KCNK5: variants seen among roughly 807,000 people sequenced by gnomAD.
The protein encoded by KCNK5 is potassium channel subfamily K member 5.
In KCNK5, 18 loss-of-function variants were observed where a neutral mutation model predicts 32.9. The ratio of observed to expected loss-of-function variants is 0.55; its 90% CI spans 0.38 to 0.81. The LOEUF (loss-of-function observed/expected upper bound fraction) is 0.81. KCNK5 is among the 30% of genes least tolerant of loss of function. The pLI, the probability that KCNK5 is intolerant of heterozygous loss-of-function variation, is 0.00. For synonymous variants in KCNK5, 276 were observed against 275.3 expected, an observed-to-expected ratio of 1.00 and a Z score of -0.03; for missense variants, 507 against 651.0, an observed-to-expected ratio of 0.78 and a Z score of 2.41.
intron 1 of KCNK5, among the ~76,000 whole-genome samples, chr6:39,201,253 CT>C (rs11291715): frequency 0.1 from 14,780 of 141,190 alleles, 731 homozygotes; most frequent in Middle Eastern, 0.16. Flanking sequence ...CTTTTTTCTT[CT>C]TTTTTTTTTT....
In KCNK5 at chr6:39,229,131, C is replaced by T; in HGVS notation, c.-20G>A. The T allele has an allele frequency of 6.2e-7, 1 of 1,612,782 alleles. No individual in the cohort carries two copies. The highest frequency in any genetic ancestry group is 8.5e-7 in the Non-Finnish European group (1 of 1,179,490). ...CACCATGGCTCCCGAGCGGCCGCCT[C>T]CTAGAGAAAGCCTCTCCTAGCCCCA... On this transcript the variant is annotated 5_prime_UTR_variant, in exon 1 of 5. Transcript: ENST00000359534.
In KCNK5 at chr6:39,191,597, C is replaced by T; in HGVS notation, c.793G>A (p.Glu265Lys). The T allele has an allele frequency of 6.2e-7, 1 of 1,614,010 alleles. No individual in the cohort carries two copies. ...AIKKRRRRRK[E>K]SFESSPHSRK... is the part of the protein sequence containing the mutation. ...GAGTGTGGGGAGCTCTCAAAGGACT[C>T]CTTCCGTCGCCGCCGCCGCTTCTTA... Residue 265 changes from glutamate to lysine, a missense_variant, in exon 5 of 5, where the codon GAG (glutamate) becomes AAG (lysine). Physicochemically the swap from Glu to Lys is moderately conservative, Grantham distance 56 (BLOSUM62 1). Transcript: ENST00000359534. This position sits in a 1 kb window ranked among gnomAD's most constrained non-coding sequence, Gnocchi z 5.8.
intron 1 of KCNK5, 64 bp from the exon 2 acceptor site, chr6:39,196,051 C>A: frequency 9.1e-7 from 1 of 1,099,594 alleles, no homozygotes; most frequent in East Asian, 2.5e-5. Context: ...ATTGACAGAA[C>A]TGCACTAAAC....
chr6:39,202,174 G>A (rs1364246935), intron 1 of KCNK5, among the ~76,000 whole-genome samples: 1 of 152,170 alleles, frequency 6.6e-6, no homozygotes, highest in East Asian at 1.9e-4. Flanking sequence ...CTGAATGAGT[G>A]AATAAATACA....
At chr6:39,224,024 T>C (rs1369611872) in intron 1 of KCNK5, among the ~76,000 whole-genome samples, 1 of 150,814 alleles carries the variant, frequency 6.6e-6, no homozygotes, top group Non-Finnish European at 1.5e-5. Context: ...AGCAATGTAA[T>C]AAACATTTAC....
chr6:39,212,441 C>T (rs1246212660), intron 1 of KCNK5, among the ~76,000 whole-genome samples: 2 of 152,240 alleles, frequency 1.3e-5, no homozygotes, highest in South Asian at 2.1e-4. Context: ...GAGCCTGCCT[C>T]CCCTGGACCC....
chr6:39,206,738 G>A (rs1771231916), intron 1 of KCNK5, among the ~76,000 whole-genome samples: 1 of 152,102 alleles, frequency 6.6e-6, no homozygotes, highest in Non-Finnish European at 1.5e-5. Flanking sequence ...CCTGACTCCA[G>A]CATCCACTAG....
chr6:39,225,546 A>G (rs1771658382), intron 1 of KCNK5, among the ~76,000 whole-genome samples: 1 of 152,104 alleles, frequency 6.6e-6, no homozygotes, highest in Non-Finnish European at 1.5e-5. Flanking sequence ...TTTTGGTGGG[A>G]CAGGGGTTGG....
At chr6:39,207,921 C>A (rs1458215428) in intron 1 of KCNK5, among the ~76,000 whole-genome samples, 2 of 152,214 alleles carry the variant, frequency 1.3e-5, no homozygotes, top group East Asian at 1.9e-4. Flanking sequence ...GGCTCCTGAC[C>A]CTTGTGCCAC....
intron 1 of KCNK5, among the ~76,000 whole-genome samples, chr6:39,216,053 C>T (rs140169953): frequency 7.2e-5 from 11 of 152,310 alleles, no homozygotes; most frequent in African/African-American, 1.4e-4. Flanking sequence ...GAGGCCAAGG[C>T]GGGCAGATCA....
intron 1 of KCNK5, among the ~76,000 whole-genome samples, chr6:39,224,086 C>CATT (rs1771607120): frequency 7.0e-6 from 1 of 142,502 alleles, no homozygotes; most frequent in Non-Finnish European, 1.5e-5. Context: ...CAGACTAAGG[C>CATT]TTTTTTTTTT....
chr6:39,201,368 T>C (rs2561433), intron 1 of KCNK5, among the ~76,000 whole-genome samples: 41,205 of 151,866 alleles, frequency 0.27, 5,872 homozygotes, highest in East Asian at 0.55. Flanking sequence ...TCTCCTGCCT[T>C]AGCCTCCCGA....
In KCNK5 at chr6:39,195,857, C is replaced by T; in HGVS notation, c.298+19G>A. On this transcript the variant is annotated intron_variant, in intron 2 of 4. Transcript: ENST00000359534. ...CTAGGGCATGGATGTGGGTGTCCTA[C>T]AGGTCCCAGAAGACTTACCAATGGT... 6.3e-7 allele frequency: 1 copy of T among 1,592,742 alleles called. No individual in the cohort carries two copies. Among genetic ancestry groups the T allele is most frequent in the Non-Finnish European group, 8.6e-7 (1 of 1,161,706 alleles).
At position 39,190,876 on chromosome 6, in the gene KCNK5, G is replaced by A; in HGVS notation, c.*14C>T. 6.9e-7 allele frequency: 1 copy of A among 1,459,406 alleles called. No individual in the cohort carries two copies. Among genetic ancestry groups the A allele is most frequent in the Non-Finnish European group, 9.1e-7 (1 of 1,104,122 alleles). The allele number at this position is 1,459,406 out of a possible 1,614,324, so 90.4% of individuals were successfully genotyped here. ...AAGAGGCCATCAAAGGTGGGGTGGG[G>A]AGCCGGCCCTGCCTCATGTGCCCTT... On this transcript the variant is annotated 3_prime_UTR_variant, in exon 5 of 5. Transcript: ENST00000359534.
rs551044870 is a variant in KCNK5 at position 39,195,628 on chromosome 6, A to G, written c.298+248T>C. ...ATGAGCAGTCTGGTTAATCTCTTGC[A>G]TGGCTCTGGCCATGAGGCTGTGTCA... On this transcript the variant is annotated intron_variant, in intron 2 of 4. Transcript: ENST00000359534. Among the ~76,000 whole-genome samples the G allele has an allele frequency of 1.7e-3, 254 of 152,366 alleles. 1 individual carries two copies. The highest frequency in any genetic ancestry group is 5.7e-3 in the African/African-American group (235 of 41,584).
chr6:39,226,823 C>T lies in KCNK5; in HGVS notation c.186+2103G>A, dbSNP rs185876066. Among the ~76,000 whole-genome samples the T allele has an allele frequency of 2.7e-3, 412 of 152,222 alleles. 4 individuals carry two copies. Among genetic ancestry groups the T allele is most frequent in the African/African-American group, 9.4e-3 (390 of 41,524 alleles). On this transcript the variant is annotated intron_variant, in intron 1 of 4. Coordinates refer to ENST00000359534, the MANE Select transcript of KCNK5 (RefSeq NM_003740.4). ...TTTTCCTATGACGGGAAGGGACTCG[C>T]CCAGTTGGGGTTGGTTTGGGAGTTT... is the stretch of plus-strand genomic sequence containing the variant.
At chr6:39,209,726 G>T (rs967221068) in intron 1 of KCNK5, among the ~76,000 whole-genome samples, 1 of 152,220 alleles carries the variant, frequency 6.6e-6, no homozygotes, top group African/African-American at 2.4e-5. Context: ...TTTAAGCACA[G>T]ACGTTTCCAA....
Position 39,189,638 on chromosome 6 carries a change from A to G in KCNK5, c.*1252T>C, listed in dbSNP as rs571237720. The G allele has an allele frequency of 1.3e-5, 2 of 152,820 alleles. No individual in the cohort carries two copies. The highest frequency in any genetic ancestry group is 3.9e-4 in the East Asian group (2 of 5,184). The allele number at this position is 152,820 out of a possible 1,614,324, so 9.5% of individuals were successfully genotyped here. A position where few individuals can be genotyped will look rare whatever the true frequency, so the allele number is the denominator to read the frequency against. On this transcript the variant is annotated 3_prime_UTR_variant, in exon 5 of 5. Transcript: ENST00000359534. ...ACATCATGGAGAACCCAAGAACTCT[A>G]GTAGCAGCAAGTTCTGCCCACCCCT... is the stretch of plus-strand genomic sequence containing the variant.
At chr6:39,210,071 A>G (rs1020367986) in intron 1 of KCNK5, among the ~76,000 whole-genome samples, 5 of 152,184 alleles carry the variant, frequency 3.3e-5, no homozygotes, top group African/African-American at 1.2e-4. Context: ...AAGGGAAAGT[A>G]ATGTGCCAGG....
Sources: gnomAD v4.1 joint callset for allele counts (sites outside exome capture counted in the v4.1 genomes callset) on GRCh38, gnomAD v4.1.1 for gene constraint, Gnocchi (gnomAD v3.1) non-coding constraint, MANE v1.5 for transcripts, NCBI Gene and HGNC (gene_info 2026-07-23, HGNC 2026-07-21) for gene names.